SLC1A3: variants seen among roughly 807,000 people sequenced by gnomAD.
SLC1A3 encodes the protein excitatory amino acid transporter 1.
SLC1A3 carries 21 observed loss-of-function variants against 48.1 expected under a neutral mutation model. That is an observed-to-expected ratio of 0.44 (90% CI 0.31 to 0.63). The LOEUF is 0.63. Among genes scored for constraint, SLC1A3 ranks in the 20% least tolerant of loss-of-function variants. The pLI, the probability that SLC1A3 is intolerant of heterozygous loss-of-function variation, is 0.08. For synonymous variants in SLC1A3, 239 were observed against 251.4 expected (o/e 0.95, Z 0.47); for missense variants, 546 against 689.0 (o/e 0.79, Z 2.32).
At chr5:36,606,155 G>A (rs1030535736), upstream of SLC1A3, among the ~76,000 whole-genome samples, 3 of 152,216 alleles carry the variant, frequency 2.0e-5, no homozygotes, top group Non-Finnish European at 4.4e-5. Flanking sequence ...TCTGCATTCA[G>A]TGTCTTCCCA....
chr5:36,618,861 C>G (rs550011593), intron 2 of SLC1A3, among the ~76,000 whole-genome samples: 1 of 152,296 alleles, frequency 6.6e-6, no homozygotes, highest in South Asian at 2.1e-4. Context: ...TTAAAAATAA[C>G]AATGGATTGG....
chr5:36,678,345 A>G (rs1178365988), intron 6 of SLC1A3, among the ~76,000 whole-genome samples: 1 of 152,220 alleles, frequency 6.6e-6, no homozygotes, highest in Admixed American at 6.5e-5. Context: ...AAACCCTGGC[A>G]GGAATGAAAG....
intron 6 of SLC1A3, 52 bp downstream of exon 6, chr5:36,677,236 C>T (rs1742252219): frequency 2.0e-6 from 3 of 1,512,118 alleles, no homozygotes; most frequent in Non-Finnish European, 2.8e-6. Context: ...TTATTGCCAT[C>T]AACATGTGTT....
intron 4 of SLC1A3, among the ~76,000 whole-genome samples, chr5:36,673,755 T>A (rs1249917200): frequency 6.6e-6 from 1 of 152,174 alleles, no homozygotes. Flanking sequence ...CAGTCTTACT[T>A]TGATTATTCC....
At chr5:36,629,306 C>A in intron 2 of SLC1A3, 144 bp from the exon 3 acceptor site, 1 of 724,738 alleles carries the variant, frequency 1.4e-6, no homozygotes, top group Non-Finnish European at 2.3e-6. Flanking sequence ...ATAGATACAT[C>A]TCTTGCTCCC....
chr5:36,650,757 T>G (rs2111844790), intron 3 of SLC1A3, among the ~76,000 whole-genome samples: 1 of 152,338 alleles, frequency 6.6e-6, no homozygotes, highest in East Asian at 1.9e-4. Flanking sequence ...CCATAGCTTT[T>G]AAAAGCTGGT....
intron 3 of SLC1A3, among the ~76,000 whole-genome samples, chr5:36,648,873 AT>A (rs1412973764): frequency 1.3e-5 from 2 of 152,220 alleles, no homozygotes; most frequent in Non-Finnish European, 2.9e-5. Context: ...AAGAAAAAAA[AT>A]ATAAAAGCAA....
chr5:36,620,731 G>A (rs986571164), intron 2 of SLC1A3, among the ~76,000 whole-genome samples: 1 of 152,098 alleles, frequency 6.6e-6, no homozygotes, highest in Non-Finnish European at 1.5e-5. Context: ...ACCAAAAAAA[G>A]TTCTAACCTT....
At chr5:36,619,618 T>C (rs1739585810) in intron 2 of SLC1A3, among the ~76,000 whole-genome samples, 1 of 152,162 alleles carries the variant, frequency 6.6e-6, no homozygotes, top group Admixed American at 6.5e-5. Context: ...CTAAAAATAA[T>C]GAAAATAAGC....
intron 4 of SLC1A3, 54 bp from the exon 5 acceptor site, chr5:36,673,995 G>A (rs1742101091): frequency 7.2e-7 from 1 of 1,387,210 alleles, no homozygotes; most frequent in Non-Finnish European, 1.0e-6. Context: ...CAGAATTTAA[G>A]GAGCAAACTT....
At chr5:36,683,666 CCACTG>C in intron 8 of SLC1A3, among the ~76,000 whole-genome samples, 193 bp from the exon 9 acceptor site, 1 of 151,358 alleles carries the variant, frequency 6.6e-6, no homozygotes, top group African/African-American at 2.4e-5. Context: ...CTAGTTTGCA[CCACTG>C]CACTCCAGCC....
intron 2 of SLC1A3, among the ~76,000 whole-genome samples, chr5:36,616,390 G>C (rs760266684): frequency 1.3e-5 from 2 of 152,172 alleles, no homozygotes; most frequent in Non-Finnish European, 1.5e-5. Context: ...AGTTAAGGGA[G>C]GGCGCTCCCT....
At chr5:36,629,610 T>G (rs1740056903) in intron 3 of SLC1A3, 23 bp downstream of exon 3, 6 of 1,610,190 alleles carry the variant, frequency 3.7e-6, no homozygotes, top group Non-Finnish European at 5.1e-6. Context: ...GTTGTTGGTT[T>G]GTTTGGTTTT....
At chr5:36,656,361 C>G (rs191101641) in intron 3 of SLC1A3, among the ~76,000 whole-genome samples, 1 of 152,308 alleles carries the variant, frequency 6.6e-6, no homozygotes, top group Non-Finnish European at 1.5e-5. Flanking sequence ...CTCTCTAGAG[C>G]CATGTAACCC....
chr5:36,680,149 T>C (rs1580045887), intron 7 of SLC1A3, among the ~76,000 whole-genome samples: 1 of 152,208 alleles, frequency 6.6e-6, no homozygotes, highest in Admixed American at 6.5e-5. Context: ...GCACAGGCTG[T>C]CGTGATGAGG....
Position 36,606,685 on chromosome 5 carries a change from AT to A in SLC1A3, c.-144del, listed in dbSNP as rs1311514238. On this transcript the variant is annotated 5_prime_UTR_variant, in exon 1 of 10. It removes the in-frame stop codon of an upstream open reading frame in the 5' UTR. Transcript: ENST00000265113. ...GTTGCTCCGTTGTACCTGCTGGGGA[AT>A]TCACCTCGTTACTGCTTGATATCTT... is the stretch of plus-strand genomic sequence containing the variant. 2.6e-5 allele frequency: 4 copies of A among 152,302 alleles called. No individual in the cohort carries two copies. Among genetic ancestry groups the A allele is most frequent in the Non-Finnish European group, 4.4e-5 (3 of 68,106 alleles). 9.4% of individuals were successfully genotyped at this position (152,302 alleles called of 1,614,324 possible). A position where few individuals can be genotyped will look rare whatever the true frequency, so the allele number is the denominator to read the frequency against.
chr5:36,660,744 G>A (rs1162028681), intron 3 of SLC1A3, among the ~76,000 whole-genome samples: 1 of 152,210 alleles, frequency 6.6e-6, no homozygotes, highest in African/African-American at 2.4e-5. Context: ...TTCTTTTATA[G>A]GAACTATTCT....
chr5:36,659,635 C>T (rs72732550), intron 3 of SLC1A3, among the ~76,000 whole-genome samples: 145 of 152,270 alleles, frequency 9.5e-4, no homozygotes, highest in Non-Finnish European at 1.6e-3. Context: ...CCTTCCAGTT[C>T]GTACCAACAC....
intron 3 of SLC1A3, among the ~76,000 whole-genome samples, chr5:36,670,633 T>TA (rs1741949450): frequency 6.6e-6 from 1 of 152,056 alleles, no homozygotes. Flanking sequence ...CAGAAAAATG[T>TA]TTTAAGTATT....
Sources: gnomAD v4.1 joint callset for allele counts (sites outside exome capture counted in the v4.1 genomes callset) on GRCh38, gnomAD v4.1.1 for gene constraint, MANE v1.5 for transcripts, NCBI Gene and HGNC (gene_info 2026-07-23, HGNC 2026-07-21) for gene names.